KIF9: variants seen among roughly 807,000 people sequenced by gnomAD.
The protein encoded by KIF9 is kinesin family member 9.
KIF9 carries 68 observed loss-of-function variants against 94.8 expected under a neutral mutation model. That is an observed-to-expected ratio of 0.72 (90% CI 0.59 to 0.88). The LOEUF (loss-of-function observed/expected upper bound fraction) is 0.88. KIF9 is among the 40% of genes least tolerant of loss of function. The pLI is 0.00. For synonymous variants in KIF9, 343 were observed against 362.1 expected (o/e 0.95, Z 0.60); for missense variants, 882 against 982.5 (o/e 0.90, Z 1.37).
In KIF9 at chr3:47,240,857, T is replaced by TC; in HGVS notation, c.1867dup (p.Glu623GlyfsTer3). ...CAGGGCCTCCTTGGTCACATCAATC[T>TC]CCCGCTTGATGGCATTGATGTGCTG... is the stretch of plus-strand genomic sequence containing the variant. On this transcript the variant is annotated frameshift_variant, in exon 17 of 21. Transcript: ENST00000684063. LOFTEE classifies it high-confidence loss of function. 6.2e-7 allele frequency: 1 copy of TC among 1,614,150 alleles called. No homozygotes were observed.
intron 1 of KIF9, among the ~76,000 whole-genome samples, chr3:47,280,444 C>A (rs775752638): frequency 6.6e-6 from 1 of 152,214 alleles, no homozygotes; most frequent in Non-Finnish European, 1.5e-5. Flanking sequence ...TGGTGGCTCA[C>A]GCCTGTAATC....
chr3:47,281,276 A>C, intron 1 of KIF9: 1 of 457,924 alleles, frequency 2.2e-6, no homozygotes, highest in Non-Finnish European at 3.9e-6. Flanking sequence ...TTCCAGGAGG[A>C]CACTTGGTTT....
At position 47,265,780 on chromosome 3, in the gene KIF9, T is replaced by C. The variant is rs766425620; in HGVS notation, c.866A>G (p.His289Arg). Residue 289 changes from histidine to arginine, a missense_variant, in exon 8 of 21, where the codon CAC becomes CGC. Coordinates refer to ENST00000684063, the MANE Select transcript of KIF9 (RefSeq NM_182902.4). ...GAGCTTGCACTGCCGAAAGGGGATG[T>C]GGTCCCGCTTCTGGTCCCCAAGGGC... Reference protein sequence around the residue: ...IIALGDQKRDHIPFRQCKLTH... With the variant: ...IIALGDQKRDRIPFRQCKLTH... The C allele has an allele frequency of 1.9e-6, 3 of 1,614,202 alleles. No homozygotes were observed. Among genetic ancestry groups the C allele is most frequent in the East Asian group, 2.2e-5 (1 of 44,884 alleles).
chr3:47,279,648 G>A (rs922744647), intron 1 of KIF9, among the ~76,000 whole-genome samples: 1 of 148,564 alleles, frequency 6.7e-6, no homozygotes, highest in African/African-American at 2.5e-5. Flanking sequence ...GCAGAGTCTC[G>A]CTCTATCACC....
At chr3:47,282,254 T>C in intron 1 of KIF9, 10 of 985,610 alleles carry the variant, frequency 1.0e-5, no homozygotes, top group Non-Finnish European at 1.2e-5. Flanking sequence ...CTCTATGTCC[T>C]GGACGCGACG....
intron 10 of KIF9, among the ~76,000 whole-genome samples, chr3:47,253,286 G>A (rs1700381835): frequency 6.6e-6 from 1 of 151,910 alleles, no homozygotes; most frequent in Non-Finnish European, 1.5e-5. Flanking sequence ...CTCCCGAGTA[G>A]CTAGGATTAC....
chr3:47,271,115 G>A, intron 5 of KIF9, 122 bp downstream of exon 5: 1 of 738,372 alleles, frequency 1.4e-6, no homozygotes, highest in Non-Finnish European at 2.2e-6. Flanking sequence ...GTATACTCCA[G>A]ACTTGGAGAA....
intron 5 of KIF9, among the ~76,000 whole-genome samples, chr3:47,268,493 T>C (rs1033940303): frequency 1.3e-5 from 2 of 152,128 alleles, no homozygotes. Context: ...CTATAGCTTA[T>C]AGTAGTGAGG....
At position 47,267,079 on chromosome 3, in the gene KIF9, T is replaced by G; in HGVS notation, c.676-11A>C. 6.2e-7 allele frequency: 1 copy of G among 1,612,506 alleles called. No individual in the cohort carries two copies. The highest frequency in any genetic ancestry group is 8.5e-7 in the Non-Finnish European group (1 of 1,178,866). ...GGTCCGGGAATGGGCCTACAAAACA[T>G]CCAAGCAGAAGTTAGACTGTCACAG... On this transcript the variant is annotated splice_polypyrimidine_tract_variant and intron_variant, in intron 6 of 20. Coordinates refer to ENST00000684063, the MANE Select transcript of KIF9 (RefSeq NM_182902.4).
intron 10 of KIF9, among the ~76,000 whole-genome samples, chr3:47,248,418 T>C (rs918530130): frequency 6.6e-6 from 1 of 152,038 alleles, no homozygotes; most frequent in Non-Finnish European, 1.5e-5. Flanking sequence ...AATGGCCCTT[T>C]TGGTGCAGCC....
intron 17 of KIF9, chr3:47,239,848 T>A: frequency 1.5e-6 from 2 of 1,367,848 alleles, no homozygotes; most frequent in Non-Finnish European, 2.0e-6. Flanking sequence ...AGATCACTCA[T>A]GGAAGCTGGC....
intron 20 of KIF9, among the ~76,000 whole-genome samples, chr3:47,234,700 A>G (rs1430748751): frequency 3.3e-4 from 49 of 150,210 alleles, no homozygotes; most frequent in African/African-American, 1.2e-3. Context: ...AATTACAGAC[A>G]TGTGCCACCA....
chr3:47,241,780 T>C (rs1480470165), intron 16 of KIF9, among the ~76,000 whole-genome samples: 2 of 104,402 alleles, frequency 1.9e-5, no homozygotes, highest in African/African-American at 3.6e-5. Context: ...TATATATACA[T>C]GTATATACGT....
intron 7 of KIF9, 146 bp downstream of exon 7, chr3:47,266,830 C>A: frequency 1.5e-6 from 1 of 683,366 alleles, no homozygotes; most frequent in East Asian, 2.6e-5. Flanking sequence ...AATCCTGTCC[C>A]TCCAGCAAGC....
chr3:47,242,784 C>T (rs1002984981), intron 16 of KIF9, among the ~76,000 whole-genome samples: 7 of 152,078 alleles, frequency 4.6e-5, no homozygotes, highest in Non-Finnish European at 8.8e-5. Flanking sequence ...AGTACTTGTA[C>T]AAAAGATACA....
At chr3:47,281,052 T>C in intron 1 of KIF9, 1 of 703,038 alleles carries the variant, frequency 1.4e-6, no homozygotes, top group South Asian at 1.5e-5. Context: ...TTGTGCTTTT[T>C]ATCTCTTTTG....
intron 1 of KIF9, among the ~76,000 whole-genome samples, chr3:47,278,146 A>G (rs1702094873): frequency 1.3e-5 from 2 of 152,034 alleles, no homozygotes; most frequent in South Asian, 4.2e-4. Flanking sequence ...ATCATGGCTC[A>G]ATGCAGCCTT....
rs1170439646 is a variant in KIF9, at chr3:47,244,795, G to A, written c.1510C>T (p.Leu504Phe). 1 of 1,613,742 alleles carries A rather than the reference G, an allele frequency of 6.2e-7. No homozygotes were observed. Among genetic ancestry groups the A allele is most frequent in the Non-Finnish European group, 8.5e-7 (1 of 1,180,024 alleles). ...CAGAGCGGCAAGGTCACTCACCTGA[G>A]TGGCTCTTTGAATGTCTTCTTGGAC... ...AKSKKTFKEP[L>F]SSLARKEGAS... The change falls in exon 15 of 21, where the codon CTC (leucine) becomes TTC (phenylalanine). Residue 504 changes from leucine to phenylalanine, a missense_variant. Leu to Phe is a conservative substitution (Grantham distance 22). Transcript: ENST00000684063.
At chr3:47,230,821 C>T (rs1186477093) in intron 20 of KIF9, among the ~76,000 whole-genome samples, 2 of 152,082 alleles carry the variant, frequency 1.3e-5, no homozygotes, top group African/African-American at 2.4e-5. Flanking sequence ...GGGTGGATCA[C>T]GAGGTCAGGA....
Sources: allele counts gnomAD v4.1 joint callset (sites outside exome capture counted in the v4.1 genomes callset), GRCh38; gene constraint gnomAD v4.1.1; transcripts MANE v1.5; gene names NCBI Gene and HGNC (gene_info 2026-07-23, HGNC 2026-07-21).